Variants in PPM1H observed in about 807,000 individuals in gnomAD.
The protein encoded by PPM1H is protein phosphatase 1H.
PPM1H carries 27 observed loss-of-function variants against 54.9 expected under a neutral mutation model. The observed-to-expected ratio is 0.49, with a 90% CI of 0.36 to 0.68. PPM1H has a LOEUF of 0.68. Among genes scored for constraint, PPM1H ranks in the 30% least tolerant of loss-of-function variants. PPM1H has a pLI of 0.00. For synonymous variants in PPM1H, 305 were observed against 270.8 expected (o/e 1.13, Z -1.24); for missense variants, 596 against 667.8 (o/e 0.89, Z 1.19).
intron 2 of PPM1H, among the ~76,000 whole-genome samples, chr12:62,810,403 C>G (rs1371244078): frequency 2.0e-5 from 3 of 152,190 alleles, no homozygotes; most frequent in Non-Finnish European, 4.4e-5. Context: ...ACATTGCCAT[C>G]TCTGGCTGTA....
At chr12:62,737,337 G>A (rs940463653) in intron 5 of PPM1H, among the ~76,000 whole-genome samples, 165 bp downstream of exon 5, 3 of 152,012 alleles carry the variant, frequency 2.0e-5, no homozygotes, top group Admixed American at 6.5e-5. Flanking sequence ...CGTCACACAC[G>A]GAGCCAGGAT....
chr12:62,841,957 C>T (rs1241858903), intron 1 of PPM1H, among the ~76,000 whole-genome samples: 1 of 152,072 alleles, frequency 6.6e-6, no homozygotes, highest in Non-Finnish European at 1.5e-5. Flanking sequence ...TGTGTATTTC[C>T]TTTCAATAAT....
At chr12:62,783,515 C>T (rs978606589) in intron 4 of PPM1H, among the ~76,000 whole-genome samples, 2 of 152,234 alleles carry the variant, frequency 1.3e-5, no homozygotes, top group Admixed American at 6.5e-5. Context: ...AGATCGAACT[C>T]CCAGTCTTGG....
intron 7 of PPM1H, among the ~76,000 whole-genome samples, chr12:62,690,487 G>A (rs1427612295): frequency 6.6e-6 from 1 of 152,158 alleles, no homozygotes; most frequent in Non-Finnish European, 1.5e-5. Context: ...AGGCCTCAGG[G>A]CTGAGACCTC....
At position 62,844,378 on chromosome 12, in the gene PPM1H, G is replaced by A. The variant is rs879482095; in HGVS notation, c.246-12099C>T. Among the ~76,000 whole-genome samples the A allele has an allele frequency of 3.9e-5, 6 of 152,158 alleles. No homozygotes were observed. The highest frequency in any genetic ancestry group is 4.1e-4 in the South Asian group (2 of 4,824). On this transcript the variant is annotated intron_variant, in intron 1 of 9. Coordinates refer to ENST00000228705, the MANE Select transcript of PPM1H (RefSeq NM_020700.2). This position sits in a 1 kb window ranked among gnomAD's most constrained non-coding sequence, Gnocchi z 5.2. ...AATAATGTTCTGAGGGGCAAGGGGGGCGTCTTATCTCTGATGCTGCTTCTT... is the reference window on the plus strand; with the variant it reads ...AATAATGTTCTGAGGGGCAAGGGGGACGTCTTATCTCTGATGCTGCTTCTT...
chr12:62,665,346 G>T (rs1457761236), intron 9 of PPM1H, among the ~76,000 whole-genome samples: 1 of 152,150 alleles, frequency 6.6e-6, no homozygotes, highest in Admixed American at 6.5e-5. Flanking sequence ...ACAGCACTCG[G>T]CTTTTCTTCG....
intron 2 of PPM1H, among the ~76,000 whole-genome samples, chr12:62,820,174 C>G (rs988012769): frequency 6.6e-6 from 1 of 152,186 alleles, no homozygotes; most frequent in East Asian, 1.9e-4. Flanking sequence ...TGAGATCAAC[C>G]GGTGAGGCAG....
At chr12:62,873,875 G>A (rs1030164419) in intron 1 of PPM1H, among the ~76,000 whole-genome samples, 1 of 152,110 alleles carries the variant, frequency 6.6e-6, no homozygotes, top group Non-Finnish European at 1.5e-5. Context: ...GTAACAAGGA[G>A]CCCTAACTTA....
intron 4 of PPM1H, among the ~76,000 whole-genome samples, chr12:62,753,669 C>T (rs2076454374): frequency 1.3e-5 from 2 of 152,220 alleles, no homozygotes; most frequent in East Asian, 1.9e-4. Flanking sequence ...TCTCTCTCTG[C>T]TTCCATTTTC....
At position 62,821,964 on chromosome 12, in the gene PPM1H, CT is replaced by C. The variant is rs2076905731; in HGVS notation, c.411+10149del. ...CAATTAAAAGACACAGACTGGCAAA[CT>C]GGATAAAGAGTCAAGACCCATCAGT... On this transcript the variant is annotated intron_variant, in intron 2 of 9. Transcript: ENST00000228705. Among the ~76,000 whole-genome samples the C allele has an allele frequency of 2.6e-5, 4 of 152,240 alleles. No individual in the cohort carries two copies. The South Asian group carries it at 8.3e-4, about 32-fold the overall frequency.
chr12:62,787,672 T>C (rs1180665271), intron 4 of PPM1H, among the ~76,000 whole-genome samples: 1 of 152,096 alleles, frequency 6.6e-6, no homozygotes, highest in African/African-American at 2.4e-5. Context: ...AAAAAATAAA[T>C]GAAATAAAAA....
At chr12:62,710,751 G>A (rs1420904971) in intron 6 of PPM1H, among the ~76,000 whole-genome samples, 2 of 152,136 alleles carry the variant, frequency 1.3e-5, no homozygotes, top group Admixed American at 6.5e-5. Context: ...TCTGACTTTA[G>A]TTTCTTCTCG....
At chr12:62,671,323 C>G (rs1293763805) in intron 8 of PPM1H, among the ~76,000 whole-genome samples, 1 of 152,092 alleles carries the variant, frequency 6.6e-6, no homozygotes, top group Non-Finnish European at 1.5e-5. Flanking sequence ...ATGGCTCCTT[C>G]CCGGGTTCCC....
intron 1 of PPM1H, among the ~76,000 whole-genome samples, chr12:62,848,351 C>T (rs1000851437): frequency 6.6e-6 from 1 of 152,152 alleles, no homozygotes; most frequent in Non-Finnish European, 1.5e-5. Context: ...CACCAAATCA[C>T]CGTTAGATTC....
chr12:62,705,335 C>G (rs2120400123), intron 6 of PPM1H, among the ~76,000 whole-genome samples: 1 of 152,254 alleles, frequency 6.6e-6, no homozygotes, highest in East Asian at 1.9e-4. Context: ...CAGGCTTTGA[C>G]CAGATAAAAA....
chr12:62,738,770 G>C (rs925504286), intron 4 of PPM1H, among the ~76,000 whole-genome samples: 1 of 152,050 alleles, frequency 6.6e-6, no homozygotes, highest in African/African-American at 2.4e-5. Context: ...AAATGCCTTC[G>C]ATCAGCTCAG....
chr12:62,874,034 G>C (rs1232663320), intron 1 of PPM1H, among the ~76,000 whole-genome samples: 2 of 152,202 alleles, frequency 1.3e-5, no homozygotes, highest in African/African-American at 4.8e-5. Context: ...CAGAGGGACA[G>C]TGTGCTAGGA....
At chr12:62,668,153 G>C (rs915744374) in intron 8 of PPM1H, among the ~76,000 whole-genome samples, 1 of 152,132 alleles carries the variant, frequency 6.6e-6, no homozygotes, top group African/African-American at 2.4e-5. Flanking sequence ...AAACTAGTAA[G>C]AATAAAAATC....
intron 1 of PPM1H, among the ~76,000 whole-genome samples, chr12:62,845,360 A>G (rs1868923835): frequency 6.6e-6 from 1 of 152,210 alleles, no homozygotes; most frequent in Non-Finnish European, 1.5e-5. Flanking sequence ...CTAACTGTTG[A>G]GCCTATACCT....
Sources: allele counts gnomAD v4.1 joint callset (sites outside exome capture counted in the v4.1 genomes callset), GRCh38; gene constraint gnomAD v4.1.1; non-coding constraint Gnocchi (gnomAD v3.1); transcripts MANE v1.5; gene names NCBI Gene and HGNC (gene_info 2026-07-23, HGNC 2026-07-21).